The following FRMD4B variants were observed in gnomAD, a reference collection of about 807,000 sequenced individuals.
The protein encoded by FRMD4B is FERM domain containing 4B.
A neutral mutation model predicts 141.5 loss-of-function variants in FRMD4B; 74 were observed. That is an observed-to-expected ratio of 0.52 (90% CI 0.43 to 0.63). The LOEUF is 0.63. Ranked by LOEUF, FRMD4B falls within the 30% of genes least tolerant of loss-of-function variation. FRMD4B has a pLI of 0.00. For missense variants in FRMD4B, 1,366 were observed against 1,253.4 expected (o/e 1.09, Z -1.36); for synonymous variants, 506 against 467.9 (o/e 1.08, Z -1.05).
intron 1 of FRMD4B, among the ~76,000 whole-genome samples, chr3:69,445,785 T>A (rs1705402513): frequency 6.6e-6 from 1 of 152,206 alleles, no homozygotes; most frequent in East Asian, 1.9e-4. Context: ...CCTTCCCAGA[T>A]CACTATATCC....
chr3:69,339,002 C>T (rs540919010), intron 1 of FRMD4B, among the ~76,000 whole-genome samples: 1 of 152,178 alleles, frequency 6.6e-6, no homozygotes, highest in South Asian at 2.1e-4. Flanking sequence ...AATATCCAAG[C>T]ACAGATCTTT....
intron 1 of FRMD4B, among the ~76,000 whole-genome samples, chr3:69,338,484 C>T (rs184826993): frequency 1.3e-5 from 2 of 152,106 alleles, no homozygotes; most frequent in Admixed American, 6.5e-5. Flanking sequence ...CACATATACA[C>T]CATGGAATAT....
At chr3:69,332,022 G>C (rs1182755948) in intron 1 of FRMD4B, among the ~76,000 whole-genome samples, 1 of 152,104 alleles carries the variant, frequency 6.6e-6, no homozygotes, top group Non-Finnish European at 1.5e-5. Context: ...AGGAGAGGGA[G>C]GTTAAAGTCA....
chr3:69,255,445 G>A (rs920521617), intron 5 of FRMD4B, among the ~76,000 whole-genome samples: 1 of 152,072 alleles, frequency 6.6e-6, no homozygotes, highest in Non-Finnish European at 1.5e-5. Context: ...CTCAGGAGGT[G>A]GAGTGGGGAG....
chr3:69,422,972 G>A (rs1303491945), intron 2 of FRMD4B, among the ~76,000 whole-genome samples: 1 of 152,126 alleles, frequency 6.6e-6, no homozygotes, highest in Non-Finnish European at 1.5e-5. Context: ...GACTCACTGG[G>A]CATGAGTCCC....
chr3:69,358,885 T>G (rs943396545), intron 1 of FRMD4B, among the ~76,000 whole-genome samples: 6 of 152,224 alleles, frequency 3.9e-5, no homozygotes, highest in African/African-American at 1.4e-4. Context: ...TCCTGTTTCT[T>G]CCTGTGAACC....
chr3:69,301,399 C>T (rs1013492880), intron 4 of FRMD4B, among the ~76,000 whole-genome samples: 1 of 152,098 alleles, frequency 6.6e-6, no homozygotes, highest in African/African-American at 2.4e-5. Flanking sequence ...GATCTTGGCT[C>T]ACTGCAACCT....
chr3:69,298,426 C>T (rs1701104058), intron 4 of FRMD4B, among the ~76,000 whole-genome samples: 1 of 152,216 alleles, frequency 6.6e-6, no homozygotes, highest in African/African-American at 2.4e-5. Context: ...GCTGTGCCCT[C>T]CTGCCCTGTT....
In FRMD4B at chr3:69,480,267, G is replaced by T. The variant is rs1706096147; in HGVS notation, c.-128-47506C>A. Among the ~76,000 whole-genome samples, 4 of 152,346 alleles carry T rather than the reference G, an allele frequency of 2.6e-5. No homozygotes were observed. The South Asian group carries it at 6.2e-4, about 24-fold the overall frequency. ...GCTGGTGAGGAACTGCATTCCTTTG[G>T]AGGAGGAGAGGCGCTCTGCTTTTTA... On this transcript the variant is annotated intron_variant, in intron 1 of 5. Coordinates refer to the FRMD4B transcript ENST00000459638.
intron 1 of FRMD4B, among the ~76,000 whole-genome samples, chr3:69,331,879 G>C (rs987570957): frequency 6.6e-6 from 1 of 152,174 alleles, no homozygotes; most frequent in Admixed American, 6.5e-5. Flanking sequence ...CAAGAGGTCA[G>C]GAGTTCAAGA....
intron 1 of FRMD4B, among the ~76,000 whole-genome samples, chr3:69,491,082 G>C (rs1173391041): frequency 1.3e-5 from 2 of 152,134 alleles, no homozygotes; most frequent in African/African-American, 2.4e-5. Flanking sequence ...CTAGTCTCAG[G>C]AAAGATCAAT....
chr3:69,480,704 A>G (rs1706105180), intron 1 of FRMD4B, among the ~76,000 whole-genome samples: 1 of 152,192 alleles, frequency 6.6e-6, no homozygotes, highest in South Asian at 2.1e-4. Context: ...TCAGATCTCC[A>G]GCTGCGTGCT....
In FRMD4B at chr3:69,215,305, T is replaced by TTTTTTTTTTTTTTTTG. The variant is rs2093129710; in HGVS notation, c.876+957_876+958insCAAAAAAAAAAAAAAA. Among the ~76,000 whole-genome samples, 2 of 124,746 alleles carry TTTTTTTTTTTTTTTTG rather than the reference T, an allele frequency of 1.6e-5. 1 individual carries two copies. Among genetic ancestry groups the TTTTTTTTTTTTTTTTG allele is most frequent in the Admixed American group, 1.7e-4 (2 of 11,522 alleles). 81.8% of individuals were successfully genotyped at this position (124,746 alleles called of 152,430 possible). A position where few individuals can be genotyped will look rare whatever the true frequency, so the allele number is the denominator to read the frequency against. ...CCCTCTTTTTTTTTTTTTTTTTTTT[T>TTTTTTTTTTTTTTTTG]TTTTTGAGATGGAGTCTCTCTCTGT... On this transcript the variant is annotated intron_variant, in intron 11 of 22. Transcript: ENST00000398540.
chr3:69,502,085 T>C (rs1367034482), intron 1 of FRMD4B, among the ~76,000 whole-genome samples: 4 of 152,098 alleles, frequency 2.6e-5, no homozygotes, highest in Admixed American at 1.3e-4. Flanking sequence ...AGAATCAATA[T>C]CGTGAAAATG....
intron 1 of FRMD4B, among the ~76,000 whole-genome samples, chr3:69,480,240 T>C (rs547106280): frequency 1.4e-4 from 21 of 152,372 alleles, no homozygotes; most frequent in African/African-American, 5.0e-4. Context: ...CTTTGTTCCA[T>C]TGCTGGTGAG....
At chr3:69,514,714 AT>A (rs1700723371) in intron 1 of FRMD4B, among the ~76,000 whole-genome samples, 1 of 151,658 alleles carries the variant, frequency 6.6e-6, no homozygotes, top group Non-Finnish European at 1.5e-5. Context: ...AAATAAATAA[AT>A]AAATAAATAA....
At chr3:69,290,639 C>T (rs749538975) in intron 4 of FRMD4B, among the ~76,000 whole-genome samples, 1 of 152,154 alleles carries the variant, frequency 6.6e-6, no homozygotes, top group African/African-American at 2.4e-5. Flanking sequence ...TTAAGGGCGG[C>T]AGCAGGATCC....
intron 4 of FRMD4B, chr3:69,292,988 G>A (rs866206276): frequency 6.6e-6 from 3 of 453,634 alleles, no homozygotes; most frequent in Admixed American, 4.8e-5. Flanking sequence ...CTTCACAAGT[G>A]TAATTTCTTG....
intron 1 of FRMD4B, among the ~76,000 whole-genome samples, chr3:69,370,265 T>C (rs1703788387): frequency 6.6e-6 from 1 of 151,940 alleles, no homozygotes; most frequent in African/African-American, 2.4e-5. Context: ...GAGCAAACGG[T>C]CTGAAATGTC....
Sources: gnomAD v4.1 joint callset for allele counts (sites outside exome capture counted in the v4.1 genomes callset) on GRCh38, gnomAD v4.1.1 for gene constraint, MANE v1.5 for transcripts, NCBI Gene and HGNC (gene_info 2026-07-23, HGNC 2026-07-21) for gene names.